The following CDH18 variants were observed in gnomAD, a reference collection of about 807,000 sequenced individuals.
CDH18 encodes cadherin 18, also known as cadherin-18.
CDH18 carries 31 observed loss-of-function variants against 67.9 expected under a neutral mutation model. That is an observed-to-expected ratio of 0.46 (90% CI 0.34 to 0.62). The LOEUF (loss-of-function observed/expected upper bound fraction) is 0.62, where lower values mean the gene tolerates loss of function less well. Ranked by LOEUF, CDH18 falls within the 20% of genes least tolerant of loss-of-function variation. The pLI is 0.01. For missense variants in CDH18, 890 were observed against 975.5 expected, an observed-to-expected ratio of 0.91 and a Z score of 1.17; for synonymous variants, 362 against 347.2, an observed-to-expected ratio of 1.04 and a Z score of -0.48.
intron 1 of CDH18, among the ~76,000 whole-genome samples, chr5:20,288,198 C>T (rs1218905593): frequency 6.6e-6 from 1 of 151,662 alleles, no homozygotes; most frequent in Non-Finnish European, 1.5e-5. Flanking sequence ...AATTCAGAGG[C>T]AGAATCTCAC....
chr5:20,046,652 GTC>G (rs1311907029), intron 2 of CDH18, among the ~76,000 whole-genome samples: 1 of 148,536 alleles, frequency 6.7e-6, no homozygotes, highest in Non-Finnish European at 1.5e-5. Context: ...AATTTTATAT[GTC>G]TGTGTGAATA....
At chr5:19,514,170 G>A (rs771073570) in intron 10 of CDH18, among the ~76,000 whole-genome samples, 6 of 152,094 alleles carry the variant, frequency 3.9e-5, no homozygotes, top group Non-Finnish European at 7.4e-5. Flanking sequence ...TACAAAGGAC[G>A]GGAACTCATC....
chr5:19,840,107 T>A (rs201393022), intron 2 of CDH18, among the ~76,000 whole-genome samples: 8 of 141,972 alleles, frequency 5.6e-5, no homozygotes, highest in South Asian at 4.6e-4. Context: ...AATAAAAAAA[T>A]AAAAAAAAAA....
At chr5:20,536,430 A>C (rs1231238243) in intron 1 of CDH18, among the ~76,000 whole-genome samples, 6 of 152,192 alleles carry the variant, frequency 3.9e-5, no homozygotes, top group African/African-American at 1.4e-4. Context: ...AAAAGCCATT[A>C]CTGTTTGAAG....
At chr5:20,560,468 T>TACATACACAC (rs1554019493) in intron 1 of CDH18, among the ~76,000 whole-genome samples, 1 of 127,606 alleles carries the variant, frequency 7.8e-6, no homozygotes, top group Admixed American at 8.1e-5. Flanking sequence ...CCAACACTCA[T>TACATACACAC]ACACACACAC....
chr5:20,030,355 A>C (rs1245156871), intron 2 of CDH18, among the ~76,000 whole-genome samples: 1 of 152,210 alleles, frequency 6.6e-6, no homozygotes, highest in African/African-American at 2.4e-5. Context: ...CACATGGACA[A>C]GAATGTTATG....
At chr5:19,950,370 G>A (rs1031673570) in intron 2 of CDH18, among the ~76,000 whole-genome samples, 2 of 151,986 alleles carry the variant, frequency 1.3e-5, no homozygotes, top group Non-Finnish European at 2.9e-5. Context: ...GGTATTCAGG[G>A]GAAAAGGTGG....
At chr5:20,470,266 C>A (rs1751953574) in intron 1 of CDH18, among the ~76,000 whole-genome samples, 1 of 152,078 alleles carries the variant, frequency 6.6e-6, no homozygotes, top group African/African-American at 2.4e-5. Flanking sequence ...TCAACTACAC[C>A]ACTCTTCTTT....
intron 11 of CDH18, among the ~76,000 whole-genome samples, chr5:19,486,753 A>G (rs1278182094): frequency 6.6e-6 from 1 of 152,232 alleles, no homozygotes; most frequent in Non-Finnish European, 1.5e-5. Flanking sequence ...AGATCACGCC[A>G]TTGCATGCCA....
At chr5:20,402,707 G>T (rs1388317595) in intron 1 of CDH18, among the ~76,000 whole-genome samples, 2 of 152,204 alleles carry the variant, frequency 1.3e-5, no homozygotes, top group East Asian at 3.9e-4. Flanking sequence ...GCTGCAAAGG[G>T]CCTTGCCTTG....
At chr5:20,398,872 CCTACGTAGAAAACCA>C (rs1562032803) in intron 1 of CDH18, among the ~76,000 whole-genome samples, 7 of 148,334 alleles carry the variant, frequency 4.7e-5, no homozygotes, top group East Asian at 2.0e-4. Flanking sequence ...CACACGTATA[CCTACGTAGAAAACCA>C]CCACGGCACA....
chr5:20,391,926 GATTA>G (rs1388826722), intron 1 of CDH18, among the ~76,000 whole-genome samples: 1 of 94,182 alleles, frequency 1.1e-5, no homozygotes, highest in African/African-American at 4.1e-5. Flanking sequence ...GTTACAAAAT[GATTA>G]ATTTATTGTT....
At chr5:19,671,662 A>C (rs1758767929) in intron 5 of CDH18, among the ~76,000 whole-genome samples, 1 of 152,152 alleles carries the variant, frequency 6.6e-6, no homozygotes, top group African/African-American at 2.4e-5. Context: ...AAGTAACTCA[A>C]TATCTAGATT....
At chr5:20,121,001 T>A (rs540084573) in intron 2 of CDH18, among the ~76,000 whole-genome samples, 1 of 152,180 alleles carries the variant, frequency 6.6e-6, no homozygotes, top group Non-Finnish European at 1.5e-5. Context: ...ATAGTTGATA[T>A]ATCACCACAA....
At chr5:20,035,921 T>C (rs1409475235) in intron 2 of CDH18, among the ~76,000 whole-genome samples, 1 of 152,100 alleles carries the variant, frequency 6.6e-6, no homozygotes, top group Non-Finnish European at 1.5e-5. Context: ...CTGAATTTGA[T>C]AGCTGAATAT....
chr5:19,589,091 C>T (rs1392640775), intron 7 of CDH18, among the ~76,000 whole-genome samples: 2 of 151,998 alleles, frequency 1.3e-5, no homozygotes, highest in Non-Finnish European at 2.9e-5. Context: ...AACTCTCCAC[C>T]CCAAAACAAC....
At chr5:20,128,435 T>G (rs2126460129) in intron 2 of CDH18, among the ~76,000 whole-genome samples, 1 of 152,224 alleles carries the variant, frequency 6.6e-6, no homozygotes, top group East Asian at 1.9e-4. Context: ...ACTGTGGTAT[T>G]AAGCCACTCA....
chr5:20,520,588 C>T (rs754472794), intron 1 of CDH18, among the ~76,000 whole-genome samples: 21 of 151,986 alleles, frequency 1.4e-4, no homozygotes, highest in African/African-American at 4.4e-4. Flanking sequence ...AGGCATTTTG[C>T]GTCTCAGGCC....
chr5:20,158,395 T>C (rs1384297890), intron 2 of CDH18, among the ~76,000 whole-genome samples: 2 of 152,204 alleles, frequency 1.3e-5, no homozygotes, highest in African/African-American at 2.4e-5. Context: ...GTTTAATAAT[T>C]GAATGATTTT....
Sources: gnomAD v4.1 joint callset for allele counts (sites outside exome capture counted in the v4.1 genomes callset) on GRCh38, gnomAD v4.1.1 for gene constraint, MANE v1.5 for transcripts, NCBI Gene and HGNC (gene_info 2026-07-23, HGNC 2026-07-21) for gene names.